Variants in LARP4 observed in about 807,000 individuals in gnomAD.
LARP4 encodes the protein La ribonucleoprotein 4, also known as la-related protein 4.
LARP4 carries 29 observed loss-of-function variants against 92.9 expected under a neutral mutation model. The ratio of observed to expected loss-of-function variants is 0.31; its 90% confidence interval spans 0.23 to 0.43. The LOEUF (loss-of-function observed/expected upper bound fraction) is 0.43, where lower values mean the gene tolerates loss of function less well. Ranked by LOEUF, LARP4 falls within the 20% of genes least tolerant of loss-of-function variation. The pLI is 1.00. For synonymous variants in LARP4, 279 were observed against 284.1 expected (o/e 0.98, Z 0.18); for missense variants, 732 against 860.0 (o/e 0.85, Z 1.86).
At chr12:50,465,555 C>T (rs935307931) in intron 12 of LARP4, among the ~76,000 whole-genome samples, 2 of 152,002 alleles carry the variant, frequency 1.3e-5, no homozygotes, top group Non-Finnish European at 2.9e-5. Flanking sequence ...GATTTGTAAG[C>T]CTTCACATAG....
intron 1 of LARP4, among the ~76,000 whole-genome samples, chr12:50,423,903 C>T (rs1014679897): frequency 3.3e-5 from 5 of 151,486 alleles, no homozygotes; most frequent in African/African-American, 9.7e-5. Flanking sequence ...TACAGGCGCC[C>T]GCCACCACAC....
At chr12:50,420,136 A>C (rs1472981294) in intron 1 of LARP4, among the ~76,000 whole-genome samples, 1 of 152,224 alleles carries the variant, frequency 6.6e-6, no homozygotes, top group East Asian at 1.9e-4. Flanking sequence ...GATGATCCAG[A>C]AACAAAAAAG....
chr12:50,415,252 C>A (rs1946571802), intron 1 of LARP4, among the ~76,000 whole-genome samples: 1 of 152,026 alleles, frequency 6.6e-6, no homozygotes, highest in African/African-American at 2.4e-5. Context: ...CTTAACTAGG[C>A]TGATGAAAGA....
intron 14 of LARP4, among the ~76,000 whole-genome samples, 169 bp from the exon 15 acceptor site, chr12:50,473,830 T>TGGGGGGG: frequency 1.3e-4 from 1 of 7,852 alleles, no homozygotes; most frequent in African/African-American, 4.8e-4. Flanking sequence ...GGGTGGGGGG[T>TGGGGGGG]GCGGGGCGGG....
chr12:50,444,528 G>T (rs79326080), intron 8 of LARP4, among the ~76,000 whole-genome samples: 1,877 of 152,230 alleles, frequency 0.012, 23 homozygotes, highest in Non-Finnish European at 0.018. Context: ...GGAAAGACAG[G>T]TGCAGAAGCA....
chr12:50,453,742 GGA>G, intron 9 of LARP4, 70 bp downstream of exon 9: 1 of 990,654 alleles, frequency 1.0e-6, no homozygotes. Context: ...GAAATCAGTT[GGA>G]GTGGGAGCTC....
At position 50,476,769 on chromosome 12, in the gene LARP4, G is replaced by T. The variant is rs1402046730; in HGVS notation, c.*905G>T. On this transcript the variant is annotated 3_prime_UTR_variant, in exon 16 of 16. Coordinates refer to ENST00000398473, the MANE Select transcript of LARP4 (RefSeq NM_052879.5). ...TCTGTTCTTTGACTGCCCACCCACA[G>T]AAAAGCAAAATAACCAACTACCTAC... The T allele has an allele frequency of 6.6e-6, 1 of 152,450 alleles. No homozygotes were observed. The highest frequency in any genetic ancestry group is 1.5e-5 in the Non-Finnish European group (1 of 67,994). 9.4% of individuals were successfully genotyped at this position (152,450 alleles called of 1,614,324 possible). A position where few individuals can be genotyped will look rare whatever the true frequency, so the allele number is the denominator to read the frequency against.
chr12:50,449,552 G>GATA (rs1225390483), intron 8 of LARP4, among the ~76,000 whole-genome samples: 2 of 152,138 alleles, frequency 1.3e-5, no homozygotes, highest in Admixed American at 6.5e-5. Flanking sequence ...CAAGAGGCAT[G>GATA]ATGCCTTGCT....
rs1464542855 is a variant in LARP4 at position 50,477,774 on chromosome 12, CAT to C, written c.*1912_*1913del. The C allele has an allele frequency of 2.0e-5, 3 of 152,528 alleles. No homozygotes were observed. Among genetic ancestry groups the C allele is most frequent in the South Asian group, 2.1e-4 (1 of 4,824 alleles). The allele number at this position is 152,528 out of a possible 1,614,324, so 9.4% of individuals were successfully genotyped here. ...TTTAAAAATTGCCTACTAGGTGAAA[CAT>C]AACAATAAAACTACCTGTGCTGAAA... On this transcript the variant is annotated 3_prime_UTR_variant, in exon 16 of 16. Transcript: ENST00000398473.
intron 1 of LARP4, among the ~76,000 whole-genome samples, chr12:50,416,592 G>A (rs537104384): frequency 6.6e-6 from 1 of 152,308 alleles, no homozygotes; most frequent in Admixed American, 6.5e-5. Flanking sequence ...GCTGAGGTGG[G>A]AGGATCCCTA....
At chr12:50,440,624 A>G (rs1951061161) in intron 7 of LARP4, 75 bp downstream of exon 7, 4 of 1,015,102 alleles carry the variant, frequency 3.9e-6, no homozygotes, top group Non-Finnish European at 6.2e-6. Context: ...AATTGAGAAA[A>G]TGTGTGTTTA....
intron 1 of LARP4, among the ~76,000 whole-genome samples, chr12:50,422,748 G>A (rs1300496563): frequency 1.3e-5 from 2 of 149,252 alleles, no homozygotes; most frequent in African/African-American, 4.9e-5. Context: ...TCCATAAAAG[G>A]ATTTTCGCCA....
rs12322290 is a variant in LARP4 at position 50,460,521 on chromosome 12, G to T, written c.1122-614G>T. Among the ~76,000 whole-genome samples, 192 of 152,194 alleles carry T rather than the reference G, an allele frequency of 1.3e-3. 1 individual carries two copies. Among genetic ancestry groups the T allele is most frequent in the African/African-American group, 4.2e-3 (173 of 41,540 alleles). The stretch of plus-strand genomic sequence containing the variant: ...TTTTTTTTTGCAGTGATGGGGTCTT[G>T]CTGTGTTGCCCCAGCTGGTGTCGAA... On this transcript the variant is annotated intron_variant, in intron 10 of 15. Transcript: ENST00000398473.
chr12:50,400,988 G>A lies in LARP4; in HGVS notation c.-23G>A, dbSNP rs779729921. On this transcript the variant is annotated 5_prime_UTR_variant, in exon 1 of 16. Transcript: ENST00000398473. The stretch of plus-strand genomic sequence containing the variant: ...CAGTTGGAGTTGCGGCGGCGGGAAC[G>A]ATTGGGCTGAGCAGAGGACGACATG... The A allele has an allele frequency of 3.1e-6, 5 of 1,614,154 alleles. No individual in the cohort carries two copies. Among genetic ancestry groups the A allele is most frequent in the Non-Finnish European group, 4.2e-6 (5 of 1,180,022 alleles).
chr12:50,437,623 C>T (rs975137288), intron 5 of LARP4, 112 bp from the exon 6 acceptor site: 4 of 596,010 alleles, frequency 6.7e-6, no homozygotes, highest in Non-Finnish European at 1.2e-5. Context: ...GGATATTAAC[C>T]CAGCCTCTGC....
intron 8 of LARP4, 38 bp downstream of exon 8, chr12:50,441,681 T>G: frequency 2.9e-4 from 426 of 1,448,858 alleles, no homozygotes; most frequent in Non-Finnish European, 3.8e-4. Flanking sequence ...AGAACAGGTT[T>G]TGGTTCTCTG....
intron 12 of LARP4, among the ~76,000 whole-genome samples, chr12:50,463,848 T>C (rs1955794629): frequency 6.6e-6 from 1 of 152,142 alleles, no homozygotes. Flanking sequence ...AGCCCCGTAT[T>C]TCCCCTCTGC....
At chr12:50,414,600 G>A (rs1429729986) in intron 1 of LARP4, among the ~76,000 whole-genome samples, 1 of 152,178 alleles carries the variant, frequency 6.6e-6, no homozygotes, top group Non-Finnish European at 1.5e-5. Flanking sequence ...ACTGTGCCTA[G>A]CCTATACCTA....
intron 8 of LARP4, 81 bp downstream of exon 8, chr12:50,441,724 T>C: frequency 8.7e-7 from 1 of 1,147,166 alleles, no homozygotes; most frequent in East Asian, 2.4e-5. Context: ...ACAGATAATA[T>C]TTTATAAAAA....
Sources: gnomAD v4.1 joint callset for allele counts (sites outside exome capture counted in the v4.1 genomes callset) on GRCh38, gnomAD v4.1.1 for gene constraint, MANE v1.5 for transcripts, NCBI Gene and HGNC (gene_info 2026-07-23, HGNC 2026-07-21) for gene names.